The following TBC1D32 variants were observed in gnomAD, a reference collection of about 807,000 sequenced individuals.
TBC1D32 encodes the protein protein broad-minded.
A neutral mutation model predicts 170.3 loss-of-function variants in TBC1D32; 151 were observed. The observed-to-expected ratio is 0.89, with a 90% CI of 0.78 to 1.01. TBC1D32 has a LOEUF of 1.01. Ranked by LOEUF, TBC1D32 falls within the 50% of genes least tolerant of loss-of-function variation. The probability of loss-of-function intolerance (pLI) is 0.00; values close to 1 mark genes in which losing one functional copy is unlikely to be tolerated. For missense variants in TBC1D32, 1,464 were observed against 1,457.1 expected (o/e 1.00, Z -0.08); for synonymous variants, 498 against 488.0 (o/e 1.02, Z -0.27).
intron 22 of TBC1D32, among the ~76,000 whole-genome samples, chr6:121,194,101 C>A (rs1434374612): frequency 1.3e-5 from 2 of 150,688 alleles, no homozygotes; most frequent in African/African-American, 4.8e-5. Flanking sequence ...GAAAAAAAAA[C>A]ATCACTGTGG....
intron 12 of TBC1D32, among the ~76,000 whole-genome samples, chr6:121,285,248 T>C (rs1228716138): frequency 6.6e-6 from 1 of 152,180 alleles, no homozygotes; most frequent in Non-Finnish European, 1.5e-5. Context: ...CTATGATTTA[T>C]TATAACAAAA....
intron 30 of TBC1D32, among the ~76,000 whole-genome samples, chr6:121,103,999 G>T (rs1043116885): frequency 6.6e-6 from 1 of 151,798 alleles, no homozygotes; most frequent in Non-Finnish European, 1.5e-5. Context: ...ATTGGCCAAG[G>T]AAGAGTATTC....
At chr6:121,265,163 C>T (rs1476770145) in intron 15 of TBC1D32, among the ~76,000 whole-genome samples, 1 of 152,106 alleles carries the variant, frequency 6.6e-6, no homozygotes, top group Non-Finnish European at 1.5e-5. Flanking sequence ...ATTTAGAAAA[C>T]CCCATCGTGT....
chr6:121,269,446 AG>A (rs1412898262), intron 15 of TBC1D32, among the ~76,000 whole-genome samples: 1 of 74,134 alleles, frequency 1.3e-5, no homozygotes, highest in Non-Finnish European at 5.4e-5. Flanking sequence ...AACAAAAAAA[AG>A]CAGGGGTTGC....
intron 22 of TBC1D32, among the ~76,000 whole-genome samples, chr6:121,178,510 G>C (rs7765795): frequency 0.079 from 12,015 of 152,156 alleles, 785 homozygotes; most frequent in African/African-American, 0.17. Flanking sequence ...AGATAAGATA[G>C]TAGCTTAAAA....
rs1670143301 is a variant in TBC1D32 at position 121,112,581 on chromosome 6, TTTTC to T, written c.3244_3247del (p.Glu1082LysfsTer13). 5 of 1,611,324 alleles carry T rather than the reference TTTTC, an allele frequency of 3.1e-6. No homozygotes were observed. The highest frequency in any genetic ancestry group is 4.2e-6 in the Non-Finnish European group (5 of 1,178,334). On this transcript the variant is annotated frameshift_variant, in exon 29 of 32. Coordinates refer to ENST00000398212, the MANE Select transcript of TBC1D32 (RefSeq NM_152730.6). LOFTEE classifies it high-confidence loss of function. ...GAATTGATGAAGAAATTGGAATGTT[TTTTC>T]TTTGTCTCCCAACATTATCATGAAC... is the stretch of plus-strand genomic sequence containing the variant.
chr6:121,118,401 A>G (rs1419863457), intron 26 of TBC1D32, among the ~76,000 whole-genome samples: 1 of 152,212 alleles, frequency 6.6e-6, no homozygotes, highest in Non-Finnish European at 1.5e-5. Context: ...AATTATTCAA[A>G]ATAACCAATA....
chr6:121,281,667 A>G lies in TBC1D32; in HGVS notation c.1485T>C (p.Ser495=), dbSNP rs1465667800. Residue 495 remains serine, a synonymous_variant, in exon 14 of 32, where the codon AGT becomes AGC. Coordinates refer to ENST00000398212, the MANE Select transcript of TBC1D32 (RefSeq NM_152730.6). The part of the protein sequence containing the change: ...AAHSENYSPA[S]MVTEVLWILS... ...GTATCCACAGAACTTCAGTCACCAT[A>G]CTTGCAGGAGAGTAATTCTCTAATA... 6.3e-7 allele frequency: 1 copy of G among 1,597,518 alleles called. No individual in the cohort carries two copies. The highest frequency in any genetic ancestry group is 8.5e-7 in the Non-Finnish European group (1 of 1,171,426).
At chr6:121,208,741 A>AAAAAAAAAC (rs1202641429) in intron 21 of TBC1D32, among the ~76,000 whole-genome samples, 4 of 151,014 alleles carry the variant, frequency 2.6e-5, no homozygotes, top group African/African-American at 7.3e-5. Flanking sequence ...AAAAAAAAAA[A>AAAAAAAAAC]AAAAAACAGA....
chr6:121,281,503 C>A (rs1191696813), intron 14 of TBC1D32, 41 bp downstream of exon 14: 1 of 1,543,274 alleles, frequency 6.5e-7, no homozygotes, highest in Non-Finnish European at 8.8e-7. Context: ...CACTAATACC[C>A]AGGTAAGAGA....
intron 24 of TBC1D32, among the ~76,000 whole-genome samples, chr6:121,149,011 T>C (rs990213912): frequency 6.6e-6 from 1 of 151,734 alleles, no homozygotes; most frequent in Non-Finnish European, 1.5e-5. Context: ...TGGCCAGTGA[T>C]GATGAGCTAT....
intron 20 of TBC1D32, among the ~76,000 whole-genome samples, chr6:121,233,750 C>G (rs1796022191): frequency 6.6e-6 from 1 of 151,954 alleles, no homozygotes; most frequent in Non-Finnish European, 1.5e-5. Context: ...ATTCATCAAG[C>G]TATTTGTTCC....
intron 23 of TBC1D32, among the ~76,000 whole-genome samples, chr6:121,160,624 A>T (rs1437552778): frequency 6.6e-6 from 1 of 152,202 alleles, no homozygotes; most frequent in African/African-American, 2.4e-5. Context: ...TTTAATAATA[A>T]AAGTTAAGTA....
chr6:121,273,429 G>T (rs1223390835), intron 15 of TBC1D32, among the ~76,000 whole-genome samples: 1 of 151,466 alleles, frequency 6.6e-6, no homozygotes, highest in East Asian at 2.0e-4. Flanking sequence ...TCATAGGTGA[G>T]AACTGAACAA....
intron 31 of TBC1D32, among the ~76,000 whole-genome samples, chr6:121,081,278 G>A (rs1399348771): frequency 6.6e-6 from 1 of 152,076 alleles, no homozygotes; most frequent in African/African-American, 2.4e-5. Flanking sequence ...AATATCTGTT[G>A]TATAAGCTAC....
chr6:121,126,991 G>C (rs1487941677), intron 25 of TBC1D32, among the ~76,000 whole-genome samples: 3 of 152,106 alleles, frequency 2.0e-5, no homozygotes, highest in Non-Finnish European at 2.9e-5. Flanking sequence ...AGGCTGGTTT[G>C]ATAATGCCAC....
At position 121,113,087 on chromosome 6, in the gene TBC1D32, C is replaced by A; in HGVS notation, c.3144G>T (p.Gln1048His). ...GAAGAGAAGATTTTATGGAAGTTTG[C>A]TGCTGTTTCAGGAATCTCTCACAAT... Reference protein sequence around the residue: ...LKHCERFLKQQQTSIKSSLLC... With the variant: ...LKHCERFLKQHQTSIKSSLLC... Residue 1048 changes from glutamine to histidine, a missense_variant, in exon 28 of 32, where the codon CAG becomes CAT. Physicochemically the swap from Gln to His is conservative, Grantham distance 24 (BLOSUM62 0). Transcript: ENST00000398212. 1 of 1,610,008 alleles carries A rather than the reference C, an allele frequency of 6.2e-7. No individual in the cohort carries two copies.
At chr6:121,152,560 G>A (rs1312134862) in intron 24 of TBC1D32, among the ~76,000 whole-genome samples, 4 of 152,114 alleles carry the variant, frequency 2.6e-5, no homozygotes, top group Non-Finnish European at 5.9e-5. Context: ...GCTAGGTTGG[G>A]GAAGGGTTCT....
intron 21 of TBC1D32, among the ~76,000 whole-genome samples, chr6:121,205,995 A>G (rs1286011332): frequency 6.6e-6 from 1 of 152,098 alleles, no homozygotes; most frequent in Non-Finnish European, 1.5e-5. Context: ...GCAGACCACA[A>G]GGTCAGGAGT....
Sources: gnomAD v4.1 joint callset for allele counts (sites outside exome capture counted in the v4.1 genomes callset) on GRCh38, gnomAD v4.1.1 for gene constraint, MANE v1.5 for transcripts, NCBI Gene and HGNC (gene_info 2026-07-23, HGNC 2026-07-21) for gene names.